The following EEIG2 variants were observed in gnomAD, a reference collection of about 807,000 sequenced individuals.
EEIG2 encodes the protein family with sequence similarity 102 member B.
chr1:108,580,112 A>T, the EEIG2 span, among the ~76,000 whole-genome samples: 1 of 152,016 alleles, frequency 6.6e-6, no homozygotes, highest in Non-Finnish European at 1.5e-5. Context: ...TCTCTAGGTC[A>T]CTTTTTGGTA....
chr1:108,601,850 C>T, the EEIG2 span, among the ~76,000 whole-genome samples: 1 of 152,100 alleles, frequency 6.6e-6, no homozygotes, highest in African/African-American at 2.4e-5. Flanking sequence ...TGCTCTGTTG[C>T]CTAGGACACA....
chr1:108,592,506 C>G, the EEIG2 span, among the ~76,000 whole-genome samples: 1 of 152,186 alleles, frequency 6.6e-6, no homozygotes, highest in South Asian at 2.1e-4. Flanking sequence ...CACATAAGAA[C>G]CTGTTTCAGA....
the EEIG2 span, among the ~76,000 whole-genome samples, chr1:108,614,669 A>G: frequency 6.6e-6 from 1 of 152,132 alleles, no homozygotes; most frequent in Admixed American, 6.5e-5. Flanking sequence ...GGCTTCTGGA[A>G]TCCAAAGTTT....
At chr1:108,567,446 AG>A in the EEIG2 span, among the ~76,000 whole-genome samples, 4 of 152,228 alleles carry the variant, frequency 2.6e-5, no homozygotes, top group Non-Finnish European at 4.4e-5. Context: ...AAAGTTACTC[AG>A]CTAGTAAGTG....
chr1:108,621,121 T>G, the EEIG2 span, among the ~76,000 whole-genome samples: 3 of 152,220 alleles, frequency 2.0e-5, no homozygotes, highest in Non-Finnish European at 2.9e-5. Flanking sequence ...GTTGTCGTTT[T>G]ATGAGGTCAT....
chr1:108,573,865 C>CA, the EEIG2 span, among the ~76,000 whole-genome samples: 1 of 151,906 alleles, frequency 6.6e-6, no homozygotes, highest in African/African-American at 2.4e-5. Context: ...CTATCAAAAA[C>CA]AAAAAACAAA....
At chr1:108,560,539 C>A in the EEIG2 span, 1 of 1,611,340 alleles carries the variant, frequency 6.2e-7, no homozygotes. Flanking sequence ...TGCTGGACGG[C>A]GGCAGCTTCA....
the EEIG2 span, among the ~76,000 whole-genome samples, chr1:108,597,970 C>T: frequency 6.6e-6 from 1 of 152,140 alleles, no homozygotes; most frequent in African/African-American, 2.4e-5. Flanking sequence ...TTGTTGGGAG[C>T]TCCGGACACC....
the EEIG2 span, among the ~76,000 whole-genome samples, chr1:108,572,600 T>G: frequency 2.0e-5 from 3 of 151,994 alleles, no homozygotes; most frequent in Non-Finnish European, 2.9e-5. Context: ...TAATCCTTGA[T>G]TTATTTGATT....
the EEIG2 span, among the ~76,000 whole-genome samples, chr1:108,586,573 A>T: frequency 6.6e-6 from 1 of 152,080 alleles, no homozygotes. Flanking sequence ...CATGTGGGTG[A>T]GGCTGGATAC....
At chr1:108,625,815 TGTGTGTG>T in the EEIG2 span, 2,450 of 18,710 alleles carry the variant, frequency 0.13, 49 homozygotes, top group Non-Finnish European at 0.27. Context: ...TGTGTGTGTG[TGTGTGTG>T]TGTGTGGAGA....
chr1:108,580,173 A>G, the EEIG2 span, among the ~76,000 whole-genome samples: 97 of 152,214 alleles, frequency 6.4e-4, 2 homozygotes, highest in Middle Eastern at 0.01. Flanking sequence ...TCTTATGATG[A>G]TCTGTAATTA....
chr1:108,628,914 T>C, the EEIG2 span: 1 of 912,242 alleles, frequency 1.1e-6, no homozygotes, highest in Non-Finnish European at 1.6e-6. Flanking sequence ...TGCATATTTG[T>C]ATAGTAAATT....
the EEIG2 span, among the ~76,000 whole-genome samples, chr1:108,579,614 T>C: frequency 5.3e-5 from 8 of 151,280 alleles, no homozygotes; most frequent in Non-Finnish European, 8.9e-5. Flanking sequence ...CAGAACTCTC[T>C]ACCCCAAATC....
chr1:108,628,332 A>G, the EEIG2 span: 2 of 1,611,044 alleles, frequency 1.2e-6, no homozygotes, highest in South Asian at 2.2e-5. Flanking sequence ...GGTGTGGGGG[A>G]ACGATGTCAG....
the EEIG2 span, among the ~76,000 whole-genome samples, chr1:108,618,443 G>T: frequency 6.6e-6 from 1 of 152,194 alleles, no homozygotes; most frequent in African/African-American, 2.4e-5. Flanking sequence ...ACAGGGAAAT[G>T]CAGGATTGCC....
the EEIG2 span, chr1:108,628,823 A>G: frequency 6.3e-7 from 1 of 1,597,940 alleles, no homozygotes; most frequent in Non-Finnish European, 8.5e-7. Flanking sequence ...GTAACTGTTA[A>G]GCATAGATTC....
the EEIG2 span, among the ~76,000 whole-genome samples, chr1:108,580,793 G>A: frequency 6.6e-6 from 1 of 152,148 alleles, no homozygotes; most frequent in South Asian, 2.1e-4. Flanking sequence ...AGGGCTTAAG[G>A]AAAGAAGCCA....
chr1:108,599,042 A>C, the EEIG2 span, among the ~76,000 whole-genome samples: 1 of 151,978 alleles, frequency 6.6e-6, no homozygotes, highest in African/African-American at 2.4e-5. Flanking sequence ...GTGTATGCCT[A>C]TGGTCCTAGC....
Sources: gnomAD v4.1 joint callset for allele counts (sites outside exome capture counted in the v4.1 genomes callset) on GRCh38, gnomAD v4.1.1 for gene constraint, MANE v1.5 for transcripts, NCBI Gene and HGNC (gene_info 2026-07-23, HGNC 2026-07-21) for gene names.